The following XRRA1 variants were observed in gnomAD, a reference collection of about 807,000 sequenced individuals.
The protein encoded by XRRA1 is X-ray radiation resistance-associated protein 1.
In XRRA1, 69 loss-of-function variants were observed where a neutral mutation model predicts 80.2. That is an observed-to-expected ratio of 0.86 (90% CI 0.71 to 1.05). The LOEUF (loss-of-function observed/expected upper bound fraction) is 1.05, where lower values mean the gene tolerates loss of function less well. Ranked by LOEUF, XRRA1 falls within the 50% of genes least tolerant of loss-of-function variation. The pLI is 0.00. For synonymous variants in XRRA1, 348 were observed against 389.9 expected (o/e 0.89, Z 1.27); for missense variants, 967 against 976.4 (o/e 0.99, Z 0.13).
intron 9 of XRRA1, 112 bp downstream of exon 9, chr11:74,907,033 A>G: frequency 7.0e-7 from 1 of 1,418,704 alleles, no homozygotes. Flanking sequence ...GTAGAGATAA[A>G]TTGTGGAGCT....
chr11:74,872,505 T>A, intron 10 of XRRA1, among the ~76,000 whole-genome samples: 1 of 152,078 alleles, frequency 6.6e-6, no homozygotes, highest in East Asian at 1.9e-4. Flanking sequence ...CTTTGCAAAC[T>A]TGCAAAGTCC....
chr11:74,876,701 G>A (rs982688610), intron 10 of XRRA1: 6 of 152,164 alleles, frequency 3.9e-5, no homozygotes, highest in African/African-American at 1.4e-4. Flanking sequence ...GAGAGAGAGA[G>A]CAACCCCAGA....
At position 74,881,213 on chromosome 11, in the gene XRRA1, T is replaced by G. The variant is rs1206934990; in HGVS notation, c.1004-18192A>C. Among the ~76,000 whole-genome samples, 329 of 151,484 alleles carry G rather than the reference T, an allele frequency of 2.2e-3. 2 individuals carry two copies. The highest frequency in any genetic ancestry group is 3.3e-3 in the Admixed American group (50 of 15,198). On this transcript the variant is annotated intron_variant, in intron 10 of 18. Coordinates refer to ENST00000684022, the MANE Select transcript of XRRA1 (RefSeq NM_001378157.1). The stretch of plus-strand genomic sequence containing the variant: ...GTTGAATTGATCCCTTTACCATTAT[T>G]TAATGGCCTTCTTTGTCTCTTTTGA...
chr11:74,843,477 G>A (rs1179831075), intron 18 of XRRA1, 24 bp from the exon 19 acceptor site: 3 of 1,603,358 alleles, frequency 1.9e-6, no homozygotes, highest in East Asian at 4.5e-5. Context: ...AGCCAGGAGA[G>A]GCACCAAGCT....
rs184479444 is a variant in XRRA1, at chr11:74,846,795, A to G, written c.1728+1320T>C. Reference sequence around the variant, plus strand: ...AAACCCTCACCTAATATCATAATTAATGGTGAAAGACTGAATGCTTTCCCC... The same window carrying G: ...AAACCCTCACCTAATATCATAATTAGTGGTGAAAGACTGAATGCTTTCCCC... On this transcript the variant is annotated intron_variant, in intron 15 of 18. Transcript: ENST00000684022. Among the ~76,000 whole-genome samples, 4 of 152,342 alleles carry G rather than the reference A, an allele frequency of 2.6e-5. No individual in the cohort carries two copies. In the East Asian group the frequency reaches 5.8e-4, roughly 22 times the overall value.
In XRRA1 at chr11:74,844,259, A is replaced by T; in HGVS notation, c.1952T>A (p.Leu651Gln). ...GAGTGGGTGCTTCAGCATTTGTTGCAGGGCTTGTGCATTCTTCTGGATTCC... is the reference window on the plus strand; with the variant it reads ...GAGTGGGTGCTTCAGCATTTGTTGCTGGGCTTGTGCATTCTTCTGGATTCC... ...PKGIQKNAQA[L>Q]QQMLKHPLLC... Residue 651 changes from leucine (L) to glutamine (Q), a missense_variant, in exon 17 of 19, where the codon CTG (leucine) becomes CAG (glutamine). Transcript: ENST00000684022. 1 of 1,613,342 alleles carries T rather than the reference A, an allele frequency of 6.2e-7. No individual in the cohort carries two copies. Among genetic ancestry groups the T allele is most frequent in the Non-Finnish European group, 8.5e-7 (1 of 1,179,820 alleles).
intron 16 of XRRA1, among the ~76,000 whole-genome samples, chr11:74,844,664 C>T (rs2037537377): frequency 6.6e-6 from 1 of 152,236 alleles, no homozygotes; most frequent in African/African-American, 2.4e-5. Flanking sequence ...AGAGATGAAG[C>T]TGCCTCCTTT....
At chr11:74,894,944 C>T (rs374764084) in intron 10 of XRRA1, among the ~76,000 whole-genome samples, 11 of 151,924 alleles carry the variant, frequency 7.2e-5, no homozygotes, top group East Asian at 3.9e-4. Flanking sequence ...TAACACTGAC[C>T]GCAGACAGAA....
chr11:74,857,654 A>G (rs1252533989), intron 12 of XRRA1, among the ~76,000 whole-genome samples: 1 of 152,212 alleles, frequency 6.6e-6, no homozygotes, highest in Non-Finnish European at 1.5e-5. Flanking sequence ...AAACTGCAGA[A>G]TATACATAGT....
At chr11:74,879,593 C>A (rs1169128416) in intron 10 of XRRA1, among the ~76,000 whole-genome samples, 3 of 152,052 alleles carry the variant, frequency 2.0e-5, no homozygotes, top group Non-Finnish European at 4.4e-5. Context: ...ATGATATTGG[C>A]TGTGGGTTTG....
rs188975999 is a variant in XRRA1 at position 74,906,090 on chromosome 11, C to A, written c.1003+149G>T. The A allele has an allele frequency of 3.0e-4, 217 of 716,662 alleles. No homozygotes were observed. In the African/African-American group the frequency reaches 3.1e-3, roughly 10 times the overall value. 44.4% of individuals were successfully genotyped at this position (716,662 alleles called of 1,614,324 possible). On this transcript the variant is annotated intron_variant, in intron 10 of 18. Transcript: ENST00000684022. The stretch of plus-strand genomic sequence containing the variant: ...AAGAAATCAATACACCAACACATCT[C>A]CCAAACATAGATGCAAACATCCTTG...
chr11:74,892,296 A>C (rs1323100407), intron 10 of XRRA1, among the ~76,000 whole-genome samples: 3 of 152,168 alleles, frequency 2.0e-5, no homozygotes, highest in East Asian at 3.8e-4. Flanking sequence ...CAAAAACAAG[A>C]AATGGGGAAA....
intron 6 of XRRA1, 31 bp from the exon 7 acceptor site, chr11:74,927,519 A>G: frequency 7.1e-7 from 1 of 1,416,654 alleles, no homozygotes; most frequent in Non-Finnish European, 1.0e-6. Flanking sequence ...GAGAGTCTGC[A>G]GCTTGTAAAG....
chr11:74,885,471 G>A (rs1158814941), intron 10 of XRRA1, among the ~76,000 whole-genome samples: 2 of 152,044 alleles, frequency 1.3e-5, no homozygotes, highest in African/African-American at 4.8e-5. Context: ...AAACCTAGAA[G>A]AAATGGATAA....
chr11:74,907,028 G>T, intron 9 of XRRA1, 117 bp downstream of exon 9: 1 of 1,387,686 alleles, frequency 7.2e-7, no homozygotes. Flanking sequence ...ACACAGTAGA[G>T]ATAAATTGTG....
intron 10 of XRRA1, among the ~76,000 whole-genome samples, chr11:74,893,415 G>A (rs1266426584): frequency 1.3e-5 from 2 of 149,530 alleles, no homozygotes; most frequent in South Asian, 2.1e-4. Flanking sequence ...TGGGGTGGGG[G>A]AGGGGGAGGG....
At chr11:74,857,705 C>T (rs191601699) in intron 12 of XRRA1, among the ~76,000 whole-genome samples, 21 of 152,128 alleles carry the variant, frequency 1.4e-4, no homozygotes, top group African/African-American at 4.8e-4. Context: ...ACAGACTGAC[C>T]ATAGGGTGAA....
At position 74,852,504 on chromosome 11, in the gene XRRA1, C is replaced by T. The variant is rs538974821; in HGVS notation, c.1171-422G>A. Among the ~76,000 whole-genome samples, 20 of 152,334 alleles carry T rather than the reference C, an allele frequency of 1.3e-4. No individual in the cohort carries two copies. In the South Asian group the frequency reaches 3.3e-3, roughly 25 times the overall value. ...TTTAACTTCAGGATACAATTTGACA[C>T]TTCATCTTCCTCAGCACAAACCTCT... On this transcript the variant is annotated intron_variant, in intron 12 of 18. Coordinates refer to ENST00000684022, the MANE Select transcript of XRRA1 (RefSeq NM_001378157.1).
rs1244065776 is a variant in XRRA1, at chr11:74,935,387, AC to A, written c.279+1496del. 7.2e-5 allele frequency among the ~76,000 whole-genome samples: 11 copies of A among 152,278 alleles called. No individual in the cohort carries two copies. In the South Asian group the frequency reaches 2.3e-3, roughly 32 times the overall value. On this transcript the variant is annotated intron_variant, in intron 4 of 18. Transcript: ENST00000684022. ...AAGCCTGTAAATTAATCTACCCTAA[AC>A]AATGCCTCTGGCTTATTTTTATGTG...
Sources: gnomAD v4.1 joint callset for allele counts (sites outside exome capture counted in the v4.1 genomes callset) on GRCh38, gnomAD v4.1.1 for gene constraint, MANE v1.5 for transcripts, NCBI Gene and HGNC (gene_info 2026-07-23, HGNC 2026-07-21) for gene names.